TUSC3: variants seen among roughly 807,000 people sequenced by gnomAD.
TUSC3 encodes dolichyl-diphosphooligosaccharide--protein glycosyltransferase subunit TUSC3.
TUSC3 carries 45 observed loss-of-function variants against 44.8 expected under a neutral mutation model. The ratio of observed to expected loss-of-function variants is 1.00; its 90% confidence interval spans 0.79 to 1.29. The LOEUF is 1.29. Among genes scored for constraint, TUSC3 ranks in the 50% most tolerant of loss-of-function variants. The pLI, the probability that TUSC3 is intolerant of heterozygous loss-of-function variation, is 0.00. For synonymous variants in TUSC3, 212 were observed against 152.9 expected, an observed-to-expected ratio of 1.39 and a Z score of -2.85; for missense variants, 519 against 437.9, an observed-to-expected ratio of 1.19 and a Z score of -1.65.
At chr8:15,599,056 A>T (rs182458263) in intron 1 of TUSC3, among the ~76,000 whole-genome samples, 20 of 151,840 alleles carry the variant, frequency 1.3e-4, no homozygotes, top group Non-Finnish European at 2.8e-4. Flanking sequence ...TTGTATTCCT[A>T]CCAGCAATGA....
At chr8:15,685,158 T>A (rs1808577732) in intron 6 of TUSC3, among the ~76,000 whole-genome samples, 1 of 152,198 alleles carries the variant, frequency 6.6e-6, no homozygotes, top group African/African-American at 2.4e-5. Flanking sequence ...TTCTGCCTAT[T>A]CTCTGAGTGG....
At chr8:15,458,760 A>G (rs1800299051) in intron 1 of TUSC3, among the ~76,000 whole-genome samples, 1 of 152,214 alleles carries the variant, frequency 6.6e-6, no homozygotes, top group Non-Finnish European at 1.5e-5. Context: ...ACTGGGGACT[A>G]AAAACCAATC....
the TUSC3 span, among the ~76,000 whole-genome samples, chr8:15,799,213 G>A: frequency 6.6e-6 from 1 of 152,134 alleles, no homozygotes; most frequent in East Asian, 1.9e-4. Context: ...GCATTGAGCT[G>A]TAAGATGGCC....
the TUSC3 span, among the ~76,000 whole-genome samples, chr8:15,816,340 G>A: frequency 6.6e-6 from 1 of 152,178 alleles, no homozygotes; most frequent in South Asian, 2.1e-4. Flanking sequence ...TTAAAATACT[G>A]AGGAAATAAT....
At chr8:15,641,137 G>T (rs1344305379) in intron 2 of TUSC3, among the ~76,000 whole-genome samples, 1 of 151,660 alleles carries the variant, frequency 6.6e-6, no homozygotes, top group Non-Finnish European at 1.5e-5. Context: ...GAGGTGGGCA[G>T]ATCATTAGGT....
At chr8:15,585,420 G>A (rs976021283) in intron 1 of TUSC3, among the ~76,000 whole-genome samples, 4 of 152,294 alleles carry the variant, frequency 2.6e-5, no homozygotes, top group East Asian at 3.9e-4. Context: ...TGGACACAAA[G>A]GGTGAGGTTG....
Position 15,721,494 on chromosome 8 carries a change from C to T in TUSC3, c.799-9172C>T, listed in dbSNP as rs1301046194. ...ACACACACACAGAGATTATACTTTT[C>T]ATATATACGTGATGTGACAGCTACA... On this transcript the variant is annotated intron_variant, in intron 6 of 10. Coordinates refer to ENST00000503731, the MANE Select transcript of TUSC3 (RefSeq NM_006765.4). Among the ~76,000 whole-genome samples, 3 of 151,924 alleles carry T rather than the reference C, an allele frequency of 2.0e-5. No homozygotes were observed. In the South Asian group the frequency reaches 6.2e-4, roughly 31 times the overall value.
intron 2 of TUSC3, among the ~76,000 whole-genome samples, chr8:15,486,206 C>A (rs1337852044): frequency 6.6e-6 from 1 of 152,104 alleles, no homozygotes; most frequent in Non-Finnish European, 1.5e-5. Context: ...GTTATTTATG[C>A]AGCTATTTGT....
At chr8:15,649,579 G>C (rs746012302) in intron 2 of TUSC3, among the ~76,000 whole-genome samples, 4 of 138,878 alleles carry the variant, frequency 2.9e-5, no homozygotes, top group Non-Finnish European at 6.2e-5. Flanking sequence ...GCAAGACTCC[G>C]TCTCAAAAGA....
chr8:15,737,179 G>GA (rs1810972559), intron 7 of TUSC3, among the ~76,000 whole-genome samples: 1 of 151,948 alleles, frequency 6.6e-6, no homozygotes, highest in South Asian at 2.1e-4. Context: ...ACATACTATA[G>GA]AAAAAAATTA....
intron 1 of TUSC3, among the ~76,000 whole-genome samples, chr8:15,562,023 C>G (rs1014566181): frequency 1.3e-5 from 2 of 152,118 alleles, no homozygotes; most frequent in African/African-American, 4.8e-5. Context: ...CATCTTGGCT[C>G]CTCTCTTCAA....
Position 15,638,946 on chromosome 8 carries a change from C to CTTTGGACT in TUSC3, c.309-11749_309-11748insTGGACTTT, listed in dbSNP as rs1563147793. Among the ~76,000 whole-genome samples the CTTTGGACT allele has an allele frequency of 1.3e-4, 20 of 151,814 alleles. No homozygotes were observed. The East Asian group carries it at 2.4e-3, about 18-fold the overall frequency. ...ATGCTAGATCACGTGATGTTCAGAG[C>CTTTGGACT]TTCAGTGATGATGATCATGTGTCGA... On this transcript the variant is annotated intron_variant, in intron 2 of 10. Transcript: ENST00000503731.
rs767715416 is a variant in TUSC3 at position 15,546,706 on chromosome 8, C to T, written c.138+6138C>T. ...ATACGCCACCATGCCTGGCTAATTT[C>T]GTATTTTTAGTAGAGACAGGGTTTC... On this transcript the variant is annotated intron_variant, in intron 1 of 10. Coordinates refer to ENST00000503731, the MANE Select transcript of TUSC3 (RefSeq NM_006765.4). 5.9e-5 allele frequency among the ~76,000 whole-genome samples: 9 copies of T among 151,350 alleles called. 1 individual carries two copies. Among genetic ancestry groups the T allele is most frequent in the East Asian group, 2.0e-4 (1 of 5,092 alleles).
At chr8:15,440,441 G>A (rs73189501) in intron 1 of TUSC3, among the ~76,000 whole-genome samples, 17 of 152,164 alleles carry the variant, frequency 1.1e-4, no homozygotes, top group African/African-American at 3.9e-4. Context: ...AATGGGAAAC[G>A]ATTGAAGGAT....
At chr8:15,797,603 A>T in the TUSC3 span, among the ~76,000 whole-genome samples, 1 of 152,212 alleles carries the variant, frequency 6.6e-6, no homozygotes, top group African/African-American at 2.4e-5. Context: ...AAATTAAAGA[A>T]CAGAAGCACT....
chr8:15,768,664 G>C (rs1228808246), downstream of TUSC3, among the ~76,000 whole-genome samples: 1 of 152,166 alleles, frequency 6.6e-6, no homozygotes, highest in African/African-American at 2.4e-5. Context: ...TCTGTTTGTA[G>C]ATGACATGGT....
At chr8:15,438,547 C>G (rs889069901) in intron 1 of TUSC3, among the ~76,000 whole-genome samples, 1 of 152,106 alleles carries the variant, frequency 6.6e-6, no homozygotes, top group Non-Finnish European at 1.5e-5. Flanking sequence ...TTTTGGTGCT[C>G]CTGTGAAACA....
chr8:15,478,719 G>A (rs1406952620), intron 1 of TUSC3, among the ~76,000 whole-genome samples: 5 of 152,032 alleles, frequency 3.3e-5, no homozygotes, highest in Admixed American at 6.5e-5. Flanking sequence ...CTTTGCTATT[G>A]TGAATAGTGC....
chr8:15,536,552 G>A (rs1801523846), upstream of TUSC3, among the ~76,000 whole-genome samples: 1 of 151,292 alleles, frequency 6.6e-6, no homozygotes, highest in African/African-American at 2.4e-5. Flanking sequence ...CGTGGTGGCG[G>A]GTGCCTATAC....
Sources: gnomAD v4.1 joint callset for allele counts (sites outside exome capture counted in the v4.1 genomes callset) on GRCh38, gnomAD v4.1.1 for gene constraint, MANE v1.5 for transcripts, NCBI Gene and HGNC (gene_info 2026-07-23, HGNC 2026-07-21) for gene names.